Variants in NAALADL2 observed in about 807,000 individuals in gnomAD.
The protein encoded by NAALADL2 is inactive N-acetylated-alpha-linked acidic dipeptidase-like protein 2.
A neutral mutation model predicts 87.2 loss-of-function variants in NAALADL2; 76 were observed. The observed-to-expected ratio is 0.87, with a 90% CI of 0.72 to 1.05. The LOEUF (loss-of-function observed/expected upper bound fraction) is 1.05. Among genes scored for constraint, NAALADL2 ranks in the 50% least tolerant of loss-of-function variants. The pLI, the probability that NAALADL2 is intolerant of heterozygous loss-of-function variation, is 0.00. For synonymous variants in NAALADL2, 354 were observed against 331.0 expected (o/e 1.07, Z -0.75); for missense variants, 1,089 against 945.8 (o/e 1.15, Z -1.99).
intron 1 of NAALADL2, among the ~76,000 whole-genome samples, chr3:174,522,890 C>G (rs996415836): frequency 3.3e-4 from 47 of 142,750 alleles, no homozygotes; most frequent in African/African-American, 1.2e-3. Flanking sequence ...GCCGAGATCT[C>G]GCCACTGCAC....
At chr3:175,265,841 A>G (rs1340785133) in intron 4 of NAALADL2, among the ~76,000 whole-genome samples, 1 of 151,504 alleles carries the variant, frequency 6.6e-6, no homozygotes, top group Non-Finnish European at 1.5e-5. Flanking sequence ...CTTTGAAAAC[A>G]ATATGCACTC....
chr3:174,520,591 A>G (rs577160080), intron 1 of NAALADL2, among the ~76,000 whole-genome samples: 2 of 152,334 alleles, frequency 1.3e-5, no homozygotes, highest in South Asian at 2.1e-4. Context: ...AAAACCTGAT[A>G]CTATAAAAAT....
chr3:174,471,321 T>G (rs1028293541), intron 1 of NAALADL2, among the ~76,000 whole-genome samples: 1 of 152,126 alleles, frequency 6.6e-6, no homozygotes, highest in African/African-American at 2.4e-5. Flanking sequence ...GTATGCAGTT[T>G]GTAAGCCTAT....
chr3:175,199,770 C>T (rs1452446690), intron 2 of NAALADL2, among the ~76,000 whole-genome samples: 5 of 121,242 alleles, frequency 4.1e-5, no homozygotes, highest in Non-Finnish European at 6.6e-5. Context: ...TGATTTGCTG[C>T]GTTAAGACAG....
chr3:174,516,693 T>G (rs922971452), intron 1 of NAALADL2, among the ~76,000 whole-genome samples: 47 of 152,078 alleles, frequency 3.1e-4, no homozygotes, highest in African/African-American at 1.1e-3. Context: ...AAGTTTTTCA[T>G]TTTTATATTA....
intron 11 of NAALADL2, among the ~76,000 whole-genome samples, chr3:175,655,068 G>C (rs1446582235): frequency 6.6e-6 from 1 of 152,110 alleles, no homozygotes; most frequent in East Asian, 1.9e-4. Context: ...ATTACAATAG[G>C]ATAGTATGAA....
chr3:175,180,139 G>A (rs1531388), intron 2 of NAALADL2, among the ~76,000 whole-genome samples: 109,985 of 151,438 alleles, frequency 0.73, 40,457 homozygotes, highest in Non-Finnish European at 0.8. Flanking sequence ...TGCACTGAAC[G>A]TATTAGAGTA....
At chr3:175,606,628 C>A (rs1438899469) in intron 10 of NAALADL2, among the ~76,000 whole-genome samples, 1 of 152,156 alleles carries the variant, frequency 6.6e-6, no homozygotes, top group African/African-American at 2.4e-5. Flanking sequence ...GATGTAGCAT[C>A]TACAGCCTTT....
intron 5 of NAALADL2, among the ~76,000 whole-genome samples, chr3:175,445,286 T>C (rs1720511322): frequency 6.6e-6 from 1 of 152,216 alleles, no homozygotes; most frequent in Non-Finnish European, 1.5e-5. Context: ...CTGTTTTATC[T>C]TATTTTTATT....
intron 5 of NAALADL2, among the ~76,000 whole-genome samples, chr3:175,373,971 A>G (rs1261623339): frequency 2.0e-5 from 3 of 152,132 alleles, no homozygotes; most frequent in African/African-American, 4.8e-5. Context: ...GAATCTGTCT[A>G]TGCATATTTC....
intron 3 of NAALADL2, among the ~76,000 whole-genome samples, chr3:174,784,133 T>G (rs990725374): frequency 2.0e-5 from 3 of 152,210 alleles, no homozygotes; most frequent in Admixed American, 6.6e-5. Flanking sequence ...ATTTTCTTGT[T>G]CTGCAACACG....
intron 2 of NAALADL2, among the ~76,000 whole-genome samples, chr3:174,551,692 G>A (rs1255483445): frequency 6.6e-6 from 1 of 152,166 alleles, no homozygotes; most frequent in Admixed American, 6.5e-5. Context: ...TCCTAATAAG[G>A]TAGTTTGCCA....
intron 5 of NAALADL2, among the ~76,000 whole-genome samples, chr3:175,354,873 C>CAT (rs201840775): frequency 0.16 from 16,937 of 108,038 alleles, 1,069 homozygotes; most frequent in Admixed American, 0.19. Flanking sequence ...TACATACATA[C>CAT]ATATATATAC....
chr3:174,967,216 C>A (rs1176833888), intron 1 of NAALADL2, among the ~76,000 whole-genome samples: 1 of 151,906 alleles, frequency 6.6e-6, no homozygotes, highest in East Asian at 1.9e-4. Flanking sequence ...TAAAGATCTA[C>A]TGAGATAGAG....
intron 3 of NAALADL2, among the ~76,000 whole-genome samples, chr3:174,809,824 C>A (rs1484013347): frequency 6.6e-6 from 1 of 152,096 alleles, no homozygotes; most frequent in Non-Finnish European, 1.5e-5. Context: ...GGAGGTGGGG[C>A]CTCATGGGAG....
chr3:175,009,392 T>A (rs1354179911), intron 1 of NAALADL2, among the ~76,000 whole-genome samples: 1 of 152,138 alleles, frequency 6.6e-6, no homozygotes, highest in East Asian at 1.9e-4. Context: ...AATGTTAACA[T>A]GGTTAACACG....
At chr3:174,807,301 T>A (rs1560243386) in intron 3 of NAALADL2, among the ~76,000 whole-genome samples, 1 of 150,884 alleles carries the variant, frequency 6.6e-6, no homozygotes, top group Non-Finnish European at 1.5e-5. Flanking sequence ...ACTTGCACAG[T>A]GAAGTGAAAA....
At chr3:175,622,491 T>C (rs796110851) in intron 10 of NAALADL2, among the ~76,000 whole-genome samples, 29 of 152,328 alleles carry the variant, frequency 1.9e-4, no homozygotes, top group African/African-American at 6.7e-4. Context: ...CTCTGTATTA[T>C]CTGGAACTGA....
chr3:174,862,126 T>C (rs983533671), intron 1 of NAALADL2, among the ~76,000 whole-genome samples: 1 of 152,066 alleles, frequency 6.6e-6, no homozygotes, highest in African/African-American at 2.4e-5. Context: ...TAGAATTTTT[T>C]TCTAAACGTT....
Sources: allele counts gnomAD v4.1 joint callset (sites outside exome capture counted in the v4.1 genomes callset), GRCh38; gene constraint gnomAD v4.1.1; transcripts MANE v1.5; gene names NCBI Gene and HGNC (gene_info 2026-07-23, HGNC 2026-07-21).